The following C2orf66 variants were observed in gnomAD, a reference collection of about 807,000 sequenced individuals.
The protein encoded by C2orf66 is uncharacterized protein C2orf66.
In C2orf66, 6 loss-of-function variants were observed where a neutral mutation model predicts 7.0. That is an observed-to-expected ratio of 0.86 (90% CI 0.47 to 1.69). The LOEUF (loss-of-function observed/expected upper bound fraction) is 1.69, where lower values mean the gene tolerates loss of function less well. Ranked by LOEUF, C2orf66 falls within the 40% of genes most tolerant of loss-of-function variation. The pLI, the probability that C2orf66 is intolerant of heterozygous loss-of-function variation, is 0.01. For missense variants in C2orf66, 107 were observed against 112.0 expected (o/e 0.96, Z 0.20); for synonymous variants, 38 against 43.8 (o/e 0.87, Z 0.52).
the C2orf66 span, among the ~76,000 whole-genome samples, chr2:196,829,297 T>TTAACTTAA: frequency 6.6e-6 from 1 of 152,168 alleles, no homozygotes; most frequent in African/African-American, 2.4e-5. Context: ...AGTATTTTCA[T>TTAACTTAA]CCTTAAAAAT....
chr2:196,818,615 A>G, the C2orf66 span, among the ~76,000 whole-genome samples: 2 of 152,204 alleles, frequency 1.3e-5, no homozygotes, highest in South Asian at 4.1e-4. Context: ...CATGATAATC[A>G]TGCTTGAGCA....
the C2orf66 span, among the ~76,000 whole-genome samples, chr2:196,829,802 C>G: frequency 1.3e-5 from 2 of 151,884 alleles, no homozygotes; most frequent in African/African-American, 4.8e-5. Context: ...GAGGCTGAGG[C>G]AGGAGAATGG....
At chr2:196,814,593 A>T in the C2orf66 span, among the ~76,000 whole-genome samples, 12 of 152,212 alleles carry the variant, frequency 7.9e-5, no homozygotes, top group South Asian at 2.1e-4. Context: ...CAAAAAAAAA[A>T]TTTTTACTGA....
At chr2:196,815,769 C>G in the C2orf66 span, among the ~76,000 whole-genome samples, 4 of 152,254 alleles carry the variant, frequency 2.6e-5, no homozygotes, top group East Asian at 5.8e-4. Flanking sequence ...AATTTTTAAA[C>G]CATCTATTGG....
the C2orf66 span, among the ~76,000 whole-genome samples, chr2:196,819,627 G>GTGC: frequency 2.5e-3 from 386 of 152,286 alleles, no homozygotes; most frequent in Non-Finnish European, 4.5e-3. Context: ...GGTTCACAAG[G>GTGC]TGCTCTCTTG....
the C2orf66 span, among the ~76,000 whole-genome samples, chr2:196,829,854 G>A: frequency 1.3e-5 from 2 of 151,988 alleles, no homozygotes; most frequent in East Asian, 1.9e-4. Flanking sequence ...CCGAGATCAC[G>A]CCACTGCACT....
At chr2:196,815,466 T>A in the C2orf66 span, among the ~76,000 whole-genome samples, 1 of 152,194 alleles carries the variant, frequency 6.6e-6, no homozygotes, top group African/African-American at 2.4e-5. Context: ...TTGGTCCAAA[T>A]TATCTAATTT....
chr2:196,817,566 A>T, the C2orf66 span, among the ~76,000 whole-genome samples: 2 of 151,384 alleles, frequency 1.3e-5, no homozygotes, highest in Admixed American at 1.3e-4. Flanking sequence ...ATCTTAAACA[A>T]CAGAAAACAG....
At chr2:196,821,745 T>G in the C2orf66 span, among the ~76,000 whole-genome samples, 1 of 152,072 alleles carries the variant, frequency 6.6e-6, no homozygotes, top group Non-Finnish European at 1.5e-5. Context: ...AATACCATTC[T>G]TAAAATATAA....
At chr2:196,822,901 C>T in the C2orf66 span, among the ~76,000 whole-genome samples, 54 of 151,748 alleles carry the variant, frequency 3.6e-4, no homozygotes, top group African/African-American at 1.1e-3. Flanking sequence ...TTGTATGTAG[C>T]TGTTATATGT....
chr2:196,809,736 T>A, upstream of C2orf66: 2 of 164,556 alleles, frequency 1.2e-5, no homozygotes, highest in Non-Finnish European at 1.3e-5. Flanking sequence ...CAGCAGTCTT[T>A]AAAAAAAAGA....
At chr2:196,831,412 C>G in the C2orf66 span, among the ~76,000 whole-genome samples, 1 of 152,170 alleles carries the variant, frequency 6.6e-6, no homozygotes, top group African/African-American at 2.4e-5. Context: ...CTCCCTGGGT[C>G]ACCTCTGCTG....
the C2orf66 span, among the ~76,000 whole-genome samples, chr2:196,819,295 G>C: frequency 3.3e-5 from 5 of 152,222 alleles, no homozygotes; most frequent in African/African-American, 1.2e-4. Flanking sequence ...GCTATCAGGA[G>C]GTGGAGCCTC....
chr2:196,821,059 A>T, the C2orf66 span, among the ~76,000 whole-genome samples: 1 of 152,322 alleles, frequency 6.6e-6, no homozygotes, highest in South Asian at 2.1e-4. Context: ...TCACAGGCAC[A>T]CAGAGGGGAA....
the C2orf66 span, among the ~76,000 whole-genome samples, chr2:196,818,209 C>T: frequency 6.6e-6 from 1 of 152,196 alleles, no homozygotes; most frequent in Non-Finnish European, 1.5e-5. Flanking sequence ...CACCTGAGAC[C>T]ACAGAGCAAG....
the C2orf66 span, among the ~76,000 whole-genome samples, chr2:196,825,931 T>TGATGC: frequency 3.3e-5 from 5 of 152,196 alleles, no homozygotes; most frequent in African/African-American, 1.2e-4. Flanking sequence ...AAGAATAATG[T>TGATGC]GATGCAGTAT....
chr2:196,814,365 T>C, the C2orf66 span, among the ~76,000 whole-genome samples: 4 of 151,854 alleles, frequency 2.6e-5, no homozygotes, highest in South Asian at 8.3e-4. Flanking sequence ...TAGTGGGAGT[T>C]GAACAATGAG....
upstream of C2orf66, among the ~76,000 whole-genome samples, chr2:196,811,673 G>A (rs919791481): frequency 2.0e-5 from 3 of 152,114 alleles, no homozygotes; most frequent in African/African-American, 7.2e-5. Context: ...AGATTTCCTC[G>A]TGGGGTTGGA....
chr2:196,829,703 C>G, the C2orf66 span, among the ~76,000 whole-genome samples: 3 of 151,756 alleles, frequency 2.0e-5, no homozygotes, highest in Non-Finnish European at 4.4e-5. Flanking sequence ...AAAGACCATC[C>G]TGGCTAACAC....
Sources: gnomAD v4.1 joint callset for allele counts (sites outside exome capture counted in the v4.1 genomes callset) on GRCh38, gnomAD v4.1.1 for gene constraint, MANE v1.5 for transcripts, NCBI Gene and HGNC (gene_info 2026-07-23, HGNC 2026-07-21) for gene names.